Variants in LYRM4 observed in about 807,000 individuals in gnomAD.
LYRM4 encodes LYR motif containing 4.
LYRM4 carries 9 observed loss-of-function variants against 11.7 expected under a neutral mutation model. The ratio of observed to expected loss-of-function variants is 0.77; its 90% CI spans 0.46 to 1.34. The LOEUF is 1.34. Among genes scored for constraint, LYRM4 ranks in the 40% most tolerant of loss-of-function variants. LYRM4 has a pLI of 0.00. For missense variants in LYRM4, 133 were observed against 112.5 expected (o/e 1.18, Z -0.82); for synonymous variants, 42 against 40.4 (o/e 1.04, Z -0.15).
chr6:5,105,360 G>C (rs1762631403), downstream of LYRM4: 1 of 152,262 alleles, frequency 6.6e-6, no homozygotes, highest in African/African-American at 2.4e-5. Flanking sequence ...AGTTCTCAGG[G>C]TGATGCTGAC....
chr6:5,259,795 A>G (rs1481057914), intron 1 of LYRM4, among the ~76,000 whole-genome samples: 1 of 151,790 alleles, frequency 6.6e-6, no homozygotes, highest in Non-Finnish European at 1.5e-5. Flanking sequence ...ACAGGTAGTT[A>G]GTAAAAACAA....
intron 1 of LYRM4, among the ~76,000 whole-genome samples, chr6:5,239,306 C>G (rs35864979): frequency 0.049 from 7,451 of 152,152 alleles, 598 homozygotes; most frequent in African/African-American, 0.16. Context: ...TGATGAGAGG[C>G]AATGCTGGAG....
chr6:5,136,737 A>G, intron 2 of LYRM4: 1 of 985,460 alleles, frequency 1.0e-6, no homozygotes, highest in Non-Finnish European at 1.2e-6. Flanking sequence ...CCCAAGGAGC[A>G]GCGCCTGTAG....
chr6:5,079,089 G>A, the LYRM4 span, among the ~76,000 whole-genome samples: 5 of 152,068 alleles, frequency 3.3e-5, no homozygotes, highest in Admixed American at 2.0e-4. Flanking sequence ...TACTTAATAC[G>A]AATATTTCTA....
At chr6:5,069,821 C>T in the LYRM4 span, among the ~76,000 whole-genome samples, 1 of 152,178 alleles carries the variant, frequency 6.6e-6, no homozygotes. Flanking sequence ...TTGTTTGTCT[C>T]CCTTTCCCAG....
chr6:5,142,756 T>G (rs1243464983), intron 2 of LYRM4, among the ~76,000 whole-genome samples: 2 of 152,210 alleles, frequency 1.3e-5, no homozygotes, highest in African/African-American at 4.8e-5. Flanking sequence ...TAGGAGATGG[T>G]GTAAACTGAC....
At chr6:5,243,491 T>A (rs535298375) in intron 1 of LYRM4, among the ~76,000 whole-genome samples, 2 of 152,256 alleles carry the variant, frequency 1.3e-5, no homozygotes, top group East Asian at 3.9e-4. Flanking sequence ...TTTCCTCCAT[T>A]CTTAAAGAAG....
intron 2 of LYRM4, among the ~76,000 whole-genome samples, chr6:5,142,942 G>A (rs189489786): frequency 4.6e-5 from 7 of 152,330 alleles, no homozygotes; most frequent in Admixed American, 2.0e-4. Context: ...GCCGCATCGC[G>A]GGCCGGTCCC....
chr6:5,216,769 G>C (rs745604611), intron 1 of LYRM4, 31 bp from the exon 2 acceptor site: 1 of 1,602,356 alleles, frequency 6.2e-7, no homozygotes, highest in East Asian at 2.2e-5. Flanking sequence ...AAAAAGAAAA[G>C]GTGTCAGCGT....
intron 2 of LYRM4, among the ~76,000 whole-genome samples, chr6:5,173,272 GAC>G (rs900707320): frequency 5.3e-5 from 8 of 152,164 alleles, no homozygotes; most frequent in Non-Finnish European, 1.2e-4. Flanking sequence ...ACACCAATCA[GAC>G]ACATCAACGC....
chr6:5,082,788 T>C, the LYRM4 span, among the ~76,000 whole-genome samples: 3 of 152,148 alleles, frequency 2.0e-5, no homozygotes, highest in East Asian at 5.8e-4. Flanking sequence ...TCCCCTCCCA[T>C]CCTCAGCTCC....
intron 2 of LYRM4, among the ~76,000 whole-genome samples, chr6:5,168,503 C>G (rs1759222390): frequency 6.6e-6 from 1 of 152,144 alleles, no homozygotes; most frequent in South Asian, 2.1e-4. Context: ...GTCCAGACTG[C>G]AGGACACCTG....
intron 2 of LYRM4, among the ~76,000 whole-genome samples, chr6:5,179,074 A>AC (rs1561851756): frequency 0.017 from 1,022 of 61,212 alleles, 6 homozygotes; most frequent in African/African-American, 0.035. Context: ...ACAAAAAAAA[A>AC]AAAAAAAAAA....
chr6:5,053,631 C>CA, the LYRM4 span, among the ~76,000 whole-genome samples: 6,402 of 126,412 alleles, frequency 0.051, 177 homozygotes, highest in South Asian at 0.11. Context: ...CTGTCTCTTG[C>CA]AAAAAAAAAA....
intron 2 of LYRM4, among the ~76,000 whole-genome samples, chr6:5,166,398 A>G (rs1424498767): frequency 6.6e-6 from 1 of 152,246 alleles, no homozygotes; most frequent in Non-Finnish European, 1.5e-5. Context: ...GTGATACTCC[A>G]GCCCACTGTT....
the LYRM4 span, among the ~76,000 whole-genome samples, chr6:5,068,195 T>C: frequency 1.1e-3 from 167 of 152,356 alleles, 5 homozygotes; most frequent in East Asian, 0.031. The surrounding 1 kb of genome is among the most constrained non-coding windows in gnomAD (Gnocchi z 4.0). Context: ...AATTCTGTTG[T>C]CTATTCACCG....
At chr6:5,199,921 C>G (rs1410165657) in intron 2 of LYRM4, among the ~76,000 whole-genome samples, 1 of 152,206 alleles carries the variant, frequency 6.6e-6, no homozygotes, top group African/African-American at 2.4e-5. Flanking sequence ...AGTTGTGCAG[C>G]TGAGGGCTGC....
intron 1 of LYRM4, among the ~76,000 whole-genome samples, chr6:5,247,157 C>A (rs1764231980): frequency 6.6e-6 from 1 of 151,836 alleles, no homozygotes; most frequent in Non-Finnish European, 1.5e-5. Context: ...TTTGGTTATA[C>A]CCCCATTGGG....
At chr6:5,077,881 GTTC>G in the LYRM4 span, among the ~76,000 whole-genome samples, 8 of 152,234 alleles carry the variant, frequency 5.3e-5, no homozygotes, top group Middle Eastern at 0.021. Flanking sequence ...TCCATTTAGG[GTTC>G]TTCTTCTAAA....
Sources: allele counts gnomAD v4.1 joint callset (sites outside exome capture counted in the v4.1 genomes callset), GRCh38; gene constraint gnomAD v4.1.1; non-coding constraint Gnocchi (gnomAD v3.1); transcripts MANE v1.5; gene names NCBI Gene and HGNC (gene_info 2026-07-23, HGNC 2026-07-21).